SNW1: variants seen among roughly 807,000 people sequenced by gnomAD.
SNW1 encodes SNW domain-containing protein 1.
SNW1 carries 9 observed loss-of-function variants against 75.6 expected under a neutral mutation model. The observed-to-expected ratio is 0.12, with a 90% confidence interval of 0.07 to 0.21. The LOEUF is 0.21. Among genes scored for constraint, SNW1 ranks in the 10% least tolerant of loss-of-function variants. The pLI is 1.00. For synonymous variants in SNW1, 200 were observed against 219.1 expected (o/e 0.91, Z 0.77); for missense variants, 409 against 670.9 (o/e 0.61, Z 4.31).
intron 8 of SNW1, among the ~76,000 whole-genome samples, chr14:77,734,659 A>C (rs1406348800): frequency 6.6e-6 from 1 of 152,086 alleles, no homozygotes; most frequent in Non-Finnish European, 1.5e-5. Flanking sequence ...AATCGCTTCA[A>C]CCTGGGAGGT....
At chr14:77,722,552 C>T (rs538548147) in intron 11 of SNW1, 30 of 436,822 alleles carry the variant, frequency 6.9e-5, no homozygotes, top group African/African-American at 1.6e-4. Context: ...AGAAAAAGAA[C>T]GGACTATAAC....
chr14:77,732,679 T>C (rs1350767936), intron 8 of SNW1, 78 bp from the exon 9 acceptor site: 3 of 865,650 alleles, frequency 3.5e-6, no homozygotes, highest in Non-Finnish European at 5.6e-6. Context: ...ATTTTATTTT[T>C]TTCGAGCTGG....
At position 77,731,229 on chromosome 14, in the gene SNW1, C is replaced by T. The variant is rs905737376; in HGVS notation, c.892-100G>A. The T allele has an allele frequency of 6.1e-5, 78 of 1,273,940 alleles. No homozygotes were observed. In the African/African-American group the frequency reaches 9.7e-4, roughly 16 times the overall value. 78.9% of individuals were successfully genotyped at this position (1,273,940 alleles called of 1,614,324 possible). Reference sequence around the variant, plus strand: ...CATCTGGCTGGTAAGAGCAATTATACAGAATTCAGATTTGTTATTGCTAAT... The same window carrying T: ...CATCTGGCTGGTAAGAGCAATTATATAGAATTCAGATTTGTTATTGCTAAT... On this transcript the variant is annotated intron_variant, in intron 9 of 13. Coordinates refer to ENST00000261531, the MANE Select transcript of SNW1 (RefSeq NM_012245.3).
chr14:77,759,410 C>T (rs549545138), intron 1 of SNW1, among the ~76,000 whole-genome samples: 37 of 152,166 alleles, frequency 2.4e-4, no homozygotes, highest in Non-Finnish European at 4.3e-4. Context: ...TACTCTAGGG[C>T]GCTGAGGCAG....
rs759377905 is a variant in SNW1 at position 77,735,931 on chromosome 14, G to A, written c.708+6C>T. ...AAAAAATATTTTGGACTACAGCAAA[G>A]AATACCTTTCGGCTAGGAGAATGCA... On this transcript the variant is annotated splice_donor_region_variant and intron_variant, in intron 7 of 13. Transcript: ENST00000261531. The A allele has an allele frequency of 3.1e-6, 5 of 1,611,656 alleles. No homozygotes were observed. In the Admixed American group the frequency reaches 8.4e-5, roughly 27 times the overall value.
intron 12 of SNW1, 104 bp downstream of exon 12, chr14:77,720,607 A>G (rs921635512): frequency 1.7e-4 from 141 of 837,434 alleles, no homozygotes; most frequent in Non-Finnish European, 2.8e-4. Flanking sequence ...TTTTTTTGTC[A>G]TCATGCTGGC....
chr14:77,755,154 A>C, intron 1 of SNW1, 34 bp from the exon 2 acceptor site: 1 of 1,581,394 alleles, frequency 6.3e-7, no homozygotes, highest in Non-Finnish European at 8.6e-7. Flanking sequence ...CAGAAATTTA[A>C]AAAACTCTTA....
At chr14:77,744,456 A>G (rs549650886) in intron 3 of SNW1, among the ~76,000 whole-genome samples, 60 of 151,026 alleles carry the variant, frequency 4.0e-4, no homozygotes, top group Non-Finnish European at 6.9e-4. Flanking sequence ...CAAAAAAAAA[A>G]AAAAAAAAAA....
In SNW1 at chr14:77,720,748, T is replaced by G. The variant is rs2080533186; in HGVS notation, c.1211A>C (p.Glu404Ala). 8.7e-6 allele frequency: 14 copies of G among 1,613,836 alleles called. No homozygotes were observed. The highest frequency in any genetic ancestry group is 1.2e-5 in the Non-Finnish European group (14 of 1,179,750). ...GAAGAGCCTTTGGTCATACTGAACT[T>G]CATTGGAAGTCCGAGGATTAGGAAC... ...LGVPNPRTSN[E>A]VQYDQRLFNQ... Residue 404 changes from glutamate (E) to alanine (A), a missense_variant, in exon 12 of 14, where the codon GAA becomes GCA. Transcript: ENST00000261531.
chr14:77,745,733 A>C (rs892433580), intron 3 of SNW1, among the ~76,000 whole-genome samples: 1 of 151,774 alleles, frequency 6.6e-6, no homozygotes, highest in Non-Finnish European at 1.5e-5. Context: ...TCTTCTTAAC[A>C]ACCACCTTGG....
At chr14:77,718,969 C>T (rs1415481702) in intron 12 of SNW1, among the ~76,000 whole-genome samples, 1 of 152,202 alleles carries the variant, frequency 6.6e-6, no homozygotes, top group Admixed American at 6.5e-5. Context: ...CTTGGTCTCA[C>T]AAAGTGCTAC....
intron 2 of SNW1, among the ~76,000 whole-genome samples, chr14:77,753,076 T>G (rs1478427673): frequency 6.6e-6 from 1 of 152,206 alleles, no homozygotes; most frequent in African/African-American, 2.4e-5. Flanking sequence ...TAGCTTTTAT[T>G]TTGAAAACTA....
At chr14:77,749,058 T>A (rs1377664360) in intron 3 of SNW1, among the ~76,000 whole-genome samples, 1 of 152,170 alleles carries the variant, frequency 6.6e-6, no homozygotes, top group African/African-American at 2.4e-5. Context: ...TAAGTAGCAC[T>A]TTAGGGAAAT....
intron 1 of SNW1, among the ~76,000 whole-genome samples, chr14:77,757,562 G>A (rs2080851258): frequency 6.6e-6 from 1 of 152,190 alleles, no homozygotes. Flanking sequence ...TTTCAGGGCT[G>A]TTCCATGACT....
chr14:77,736,779 C>T (rs1204007882), intron 6 of SNW1, among the ~76,000 whole-genome samples, 192 bp downstream of exon 6: 1 of 152,132 alleles, frequency 6.6e-6, no homozygotes, highest in Non-Finnish European at 1.5e-5. Flanking sequence ...CTCTCTGTCC[C>T]TACCTCCTTC....
chr14:77,733,069 G>A (rs1456747715), intron 8 of SNW1, among the ~76,000 whole-genome samples: 2 of 152,158 alleles, frequency 1.3e-5, no homozygotes, highest in East Asian at 3.8e-4. Context: ...ATCAATGAGT[G>A]CTTTATGTAG....
intron 10 of SNW1, among the ~76,000 whole-genome samples, chr14:77,729,161 A>G (rs999591756): frequency 3.3e-5 from 5 of 152,142 alleles, no homozygotes; most frequent in African/African-American, 1.2e-4. Flanking sequence ...CCTCCATCTT[A>G]AACTTAACAT....
chr14:77,757,412 A>C (rs2080849327), intron 1 of SNW1, among the ~76,000 whole-genome samples: 1 of 152,216 alleles, frequency 6.6e-6, no homozygotes, highest in African/African-American at 2.4e-5. Context: ...TACCTCTCTG[A>C]ATCTGTTTTC....
chr14:77,732,364 C>T (rs1566829232), intron 9 of SNW1, 121 bp downstream of exon 9: 10 of 676,960 alleles, frequency 1.5e-5, no homozygotes, highest in South Asian at 7.0e-5. Flanking sequence ...TTCTGACACA[C>T]GTACCATGGG....
Sources: allele counts gnomAD v4.1 joint callset (sites outside exome capture counted in the v4.1 genomes callset), GRCh38; gene constraint gnomAD v4.1.1; transcripts MANE v1.5; gene names NCBI Gene and HGNC (gene_info 2026-07-23, HGNC 2026-07-21).